Variants in PDE8B observed in about 807,000 individuals in gnomAD.
PDE8B encodes the protein phosphodiesterase 8B.
Under a neutral mutation model 101.3 loss-of-function variants are expected in PDE8B, and 26 were observed. That is an observed-to-expected ratio of 0.26 (90% CI 0.19 to 0.36). The LOEUF is 0.36. Among genes scored for constraint, PDE8B ranks in the 10% least tolerant of loss-of-function variants. PDE8B has a pLI of 1.00. For synonymous variants in PDE8B, 424 were observed against 429.3 expected (o/e 0.99, Z 0.15); for missense variants, 810 against 1,163.1 (o/e 0.70, Z 4.42).
At chr5:77,102,638 T>A in the PDE8B span, among the ~76,000 whole-genome samples, 1 of 152,266 alleles carries the variant, frequency 6.6e-6, no homozygotes, top group Middle Eastern at 3.4e-3. Context: ...CCCACAGGGC[T>A]CCTGACACAG....
At chr5:77,377,817 C>T (rs528284705) in intron 10 of PDE8B, among the ~76,000 whole-genome samples, 5 of 152,158 alleles carry the variant, frequency 3.3e-5, no homozygotes, top group Admixed American at 6.5e-5. Flanking sequence ...TAAGCTGGGA[C>T]GTTCATCATC....
chr5:77,130,702 A>G, the PDE8B span, among the ~76,000 whole-genome samples: 1 of 152,208 alleles, frequency 6.6e-6, no homozygotes, highest in Admixed American at 6.5e-5. Flanking sequence ...ATATTTATAC[A>G]GTGAGGCATG....
chr5:77,200,585 T>C, the PDE8B span, among the ~76,000 whole-genome samples: 1 of 152,144 alleles, frequency 6.6e-6, no homozygotes, highest in Non-Finnish European at 1.5e-5. Context: ...TTTTGTTTTG[T>C]TCTGTTCTTT....
In PDE8B at chr5:77,248,676, C is replaced by G. The variant is rs1422771340; in HGVS notation, c.339+37412C>G. 2.6e-5 allele frequency among the ~76,000 whole-genome samples: 4 copies of G among 152,166 alleles called. No homozygotes were observed. In the East Asian group the frequency reaches 5.8e-4, roughly 22 times the overall value. ...GGGGAAAGAAACAATCTACTTATGCCAGAAAACCTCTGGAAATTTACACAT... is the reference window on the plus strand; with the variant it reads ...GGGGAAAGAAACAATCTACTTATGCGAGAAAACCTCTGGAAATTTACACAT... On this transcript the variant is annotated intron_variant, in intron 1 of 21. Transcript: ENST00000264917.
At chr5:77,191,990 CA>C in the PDE8B span, among the ~76,000 whole-genome samples, 2 of 152,148 alleles carry the variant, frequency 1.3e-5, no homozygotes, top group African/African-American at 4.8e-5. Flanking sequence ...ACGCAGTTCA[CA>C]GTAGGGTTCG....
chr5:77,232,750 A>C (rs1478967969), intron 1 of PDE8B, among the ~76,000 whole-genome samples: 1 of 152,194 alleles, frequency 6.6e-6, no homozygotes, highest in Non-Finnish European at 1.5e-5. Flanking sequence ...ATGATTTTCG[A>C]AGTGCTCTGT....
the PDE8B span, among the ~76,000 whole-genome samples, chr5:77,151,674 G>A: frequency 5.3e-3 from 808 of 152,252 alleles, 8 homozygotes; most frequent in African/African-American, 0.018. Context: ...TAGATAACAT[G>A]CCTAAGATCA....
intron 1 of PDE8B, among the ~76,000 whole-genome samples, chr5:77,292,009 A>C (rs1028553792): frequency 6.6e-5 from 10 of 152,160 alleles, no homozygotes; most frequent in African/African-American, 1.9e-4. Context: ...AAAAAAAAAA[A>C]AAACCATTTA....
intron 10 of PDE8B, among the ~76,000 whole-genome samples, chr5:77,364,045 G>A (rs1347463827): frequency 6.6e-6 from 1 of 152,190 alleles, no homozygotes; most frequent in Non-Finnish European, 1.5e-5. Flanking sequence ...GCAGCTTGGA[G>A]TGAAAAGCTA....
At chr5:77,290,780 A>G (rs1427637288) in intron 1 of PDE8B, 2 of 1,480,262 alleles carry the variant, frequency 1.4e-6, no homozygotes, top group African/African-American at 1.4e-5. Flanking sequence ...TCCCTGTGGC[A>G]GTGTATGGTT....
chr5:77,381,918 G>A lies in PDE8B; in HGVS notation c.1168-18330G>A, dbSNP rs1581375001. Among the ~76,000 whole-genome samples, 3 of 152,276 alleles carry A rather than the reference G, an allele frequency of 2.0e-5. No homozygotes were observed. The South Asian group carries it at 6.2e-4, about 32-fold the overall frequency. ...TTCCCTAGTTATGGTTTGAAGCAGT[G>A]TATTATCTTATGCCCAGGCTCATAG... On this transcript the variant is annotated intron_variant, in intron 10 of 21. Transcript: ENST00000264917.
chr5:77,104,692 G>T, the PDE8B span: 1 of 152,160 alleles, frequency 6.6e-6, no homozygotes, highest in Non-Finnish European at 1.5e-5. Flanking sequence ...TCAGTCTGTG[G>T]TATTTTGTTA....
At chr5:77,180,752 C>A in the PDE8B span, among the ~76,000 whole-genome samples, 1 of 152,234 alleles carries the variant, frequency 6.6e-6, no homozygotes, top group South Asian at 2.1e-4. Flanking sequence ...CACAGACAGC[C>A]GCCGTTCGCG....
In PDE8B at chr5:77,378,568, C is replaced by G. The variant is rs958346961; in HGVS notation, c.1168-21680C>G. Among the ~76,000 whole-genome samples, 9 of 150,698 alleles carry G rather than the reference C, an allele frequency of 6.0e-5. No homozygotes were observed. The East Asian group carries it at 1.8e-3, about 30-fold the overall frequency. The stretch of plus-strand genomic sequence containing the variant: ...CTCAAACTGTAGTGTGTAATTGAAT[C>G]ACCTGGAGATTAAATGGCAAAATGT... On this transcript the variant is annotated intron_variant, in intron 10 of 21. Coordinates refer to ENST00000264917, the MANE Select transcript of PDE8B (RefSeq NM_003719.5).
chr5:77,179,451 G>A, the PDE8B span, among the ~76,000 whole-genome samples: 3 of 152,198 alleles, frequency 2.0e-5, no homozygotes, highest in African/African-American at 4.8e-5. Flanking sequence ...CCCCAGAGGA[G>A]CCAGGTATGG....
At chr5:77,099,933 T>A in the PDE8B span, among the ~76,000 whole-genome samples, 2 of 152,204 alleles carry the variant, frequency 1.3e-5, no homozygotes, top group African/African-American at 4.8e-5. Context: ...TCTATGTCAC[T>A]GGAATGAGAG....
rs572498301 is a variant in PDE8B, at chr5:77,270,100, A to G, written c.340-41894A>G. On this transcript the variant is annotated intron_variant, in intron 1 of 21. Coordinates refer to ENST00000264917, the MANE Select transcript of PDE8B (RefSeq NM_003719.5). ...TTAACAGTATTAATTCTTATAATCC[A>G]TGGACATGGAATATCTTTTCAATTC... Among the ~76,000 whole-genome samples, 7 of 152,338 alleles carry G rather than the reference A, an allele frequency of 4.6e-5. No individual in the cohort carries two copies. The East Asian group carries it at 1.2e-3, about 25-fold the overall frequency.
chr5:77,351,714 A>G (rs1394264291), intron 9 of PDE8B, among the ~76,000 whole-genome samples: 3 of 152,148 alleles, frequency 2.0e-5, no homozygotes, highest in African/African-American at 4.8e-5. Flanking sequence ...TCCTTCCTCC[A>G]GTTAAATTTT....
At chr5:77,420,281 A>T (rs535596227) in intron 19 of PDE8B, among the ~76,000 whole-genome samples, 5 of 152,122 alleles carry the variant, frequency 3.3e-5, no homozygotes, top group Non-Finnish European at 7.4e-5. Context: ...AATGTTCCTG[A>T]TTCACATTAA....
Sources: allele counts gnomAD v4.1 joint callset (sites outside exome capture counted in the v4.1 genomes callset), GRCh38; gene constraint gnomAD v4.1.1; transcripts MANE v1.5; gene names NCBI Gene and HGNC (gene_info 2026-07-23, HGNC 2026-07-21).